The following CPVL variants were observed in gnomAD, a reference collection of about 807,000 sequenced individuals.
The protein encoded by CPVL is carboxypeptidase vitellogenic like.
A neutral mutation model predicts 63.7 loss-of-function variants in CPVL; 51 were observed. The ratio of observed to expected loss-of-function variants is 0.80; its 90% CI spans 0.64 to 1.01. The LOEUF is 1.01. Ranked by LOEUF, CPVL falls within the 50% of genes least tolerant of loss-of-function variation. CPVL has a pLI of 0.00. For synonymous variants in CPVL, 195 were observed against 206.0 expected (o/e 0.95, Z 0.46); for missense variants, 530 against 573.1 (o/e 0.92, Z 0.77).
At chr7:29,040,339 G>A (rs1436950834) in intron 11 of CPVL, among the ~76,000 whole-genome samples, 1 of 152,202 alleles carries the variant, frequency 6.6e-6, no homozygotes, top group African/African-American at 2.4e-5. Context: ...AAGCTCAGCT[G>A]CAGAAGAAAA....
intron 3 of CPVL, among the ~76,000 whole-genome samples, chr7:29,109,510 C>A (rs1788043834): frequency 6.6e-6 from 1 of 152,166 alleles, no homozygotes; most frequent in African/African-American, 2.4e-5. Flanking sequence ...TCTTGTCACA[C>A]CTGCTTTATC....
intron 5 of CPVL, among the ~76,000 whole-genome samples, chr7:29,173,471 A>G (rs1226200747): frequency 6.6e-6 from 1 of 152,136 alleles, no homozygotes; most frequent in Non-Finnish European, 1.5e-5. Flanking sequence ...TAACAACAAG[A>G]AAATGAGGAA....
chr7:29,013,858 T>G (rs1323428699), intron 12 of CPVL, among the ~76,000 whole-genome samples: 1 of 152,172 alleles, frequency 6.6e-6, no homozygotes, highest in African/African-American at 2.4e-5. Flanking sequence ...CAGCCCAAAT[T>G]TGGTGAGTCA....
chr7:29,103,485 C>G (rs1389306420), intron 3 of CPVL, among the ~76,000 whole-genome samples: 2 of 149,296 alleles, frequency 1.3e-5, no homozygotes, highest in African/African-American at 5.0e-5. Flanking sequence ...GAACTCTTAA[C>G]CTCATGATCT....
intron 2 of CPVL, among the ~76,000 whole-genome samples, chr7:29,114,807 C>T (rs1299168678): frequency 6.6e-6 from 1 of 152,120 alleles, no homozygotes; most frequent in African/African-American, 2.4e-5. Context: ...TGTGGGCCAC[C>T]TGGATTAAAA....
chr7:29,027,070 T>C (rs1011981842), intron 12 of CPVL, among the ~76,000 whole-genome samples: 1 of 152,116 alleles, frequency 6.6e-6, no homozygotes, highest in Non-Finnish European at 1.5e-5. Context: ...CTAATGAATA[T>C]AGATGTAAAC....
At position 29,067,970 on chromosome 7, in the gene CPVL, A is replaced by G. The variant is rs979896490; in HGVS notation, c.865-1849T>C. Among the ~76,000 whole-genome samples, 11 of 151,760 alleles carry G rather than the reference A, an allele frequency of 7.2e-5. No individual in the cohort carries two copies. The South Asian group carries it at 1.3e-3, about 17-fold the overall frequency. On this transcript the variant is annotated intron_variant, in intron 9 of 12. Coordinates refer to ENST00000265394, the MANE Select transcript of CPVL (RefSeq NM_031311.5). ...GCCAATTCCTTCTGGCCATGCTTCA[A>G]TGCTTGAGAAAATAGACTAATTATT... is the stretch of plus-strand genomic sequence containing the variant.
At chr7:29,108,644 C>T (rs542662873) in intron 3 of CPVL, among the ~76,000 whole-genome samples, 4 of 152,302 alleles carry the variant, frequency 2.6e-5, no homozygotes, top group Admixed American at 6.5e-5. Flanking sequence ...GAAATAATGA[C>T]AATAGCAACT....
chr7:29,082,628 T>C (rs568251918), intron 7 of CPVL: 2 of 152,366 alleles, frequency 1.3e-5, no homozygotes, highest in East Asian at 1.9e-4. Flanking sequence ...TGATATCTCC[T>C]GACAATGGCA....
At chr7:29,086,060 G>A (rs550459334) in intron 7 of CPVL, among the ~76,000 whole-genome samples, 6 of 152,238 alleles carry the variant, frequency 3.9e-5, no homozygotes, top group East Asian at 1.9e-4. Flanking sequence ...TTGGGAGGCC[G>A]AGGCGGGCAG....
intron 2 of CPVL, among the ~76,000 whole-genome samples, chr7:29,120,390 C>G (rs1789239240): frequency 6.6e-6 from 1 of 151,938 alleles, no homozygotes; most frequent in African/African-American, 2.4e-5. Context: ...CCACCGCACT[C>G]CAGCCTGGGC....
At chr7:29,085,982 G>A (rs1169056264) in intron 7 of CPVL, among the ~76,000 whole-genome samples, 3 of 152,028 alleles carry the variant, frequency 2.0e-5, no homozygotes, top group African/African-American at 7.3e-5. Flanking sequence ...GCATGCATTG[G>A]GCCCTGGGAT....
rs76188781 is a variant in CPVL, at chr7:29,078,821, A to G, written c.610-6398T>C. Reference sequence around the variant, plus strand: ...CAAACATTTCCATATGCCCTTGTTCAGTTCTTCGGTTGCAGCTTAAACCCT... The same window carrying G: ...CAAACATTTCCATATGCCCTTGTTCGGTTCTTCGGTTGCAGCTTAAACCCT... On this transcript the variant is annotated intron_variant, in intron 7 of 12. Transcript: ENST00000265394. Among the ~76,000 whole-genome samples, 1,348 of 152,340 alleles carry G rather than the reference A, an allele frequency of 8.8e-3. 18 individuals are homozygous for G. Among genetic ancestry groups the G allele is most frequent in the African/African-American group, 0.03 (1,265 of 41,580 alleles).
intron 11 of CPVL, among the ~76,000 whole-genome samples, chr7:29,061,610 C>T (rs1027365972): frequency 1.3e-5 from 2 of 152,074 alleles, no homozygotes; most frequent in African/African-American, 4.8e-5. Flanking sequence ...TTTGTCCCAC[C>T]TTACCCTCAC....
At chr7:29,163,419 T>C (rs1440125985) in intron 5 of CPVL, among the ~76,000 whole-genome samples, 1 of 152,160 alleles carries the variant, frequency 6.6e-6, no homozygotes. Context: ...TAATTTAAAA[T>C]TACATATGTG....
intron 11 of CPVL, among the ~76,000 whole-genome samples, chr7:29,040,286 T>C (rs1261478862): frequency 6.6e-6 from 1 of 152,232 alleles, no homozygotes; most frequent in Admixed American, 6.5e-5. Context: ...TTAATTTCAC[T>C]ATTATCCAGC....
chr7:28,996,051 G>C (rs895779104), intron 12 of CPVL, 169 bp from the exon 13 acceptor site: 52 of 507,856 alleles, frequency 1.0e-4, no homozygotes, highest in Non-Finnish European at 1.4e-4. Flanking sequence ...GATGGCTTTT[G>C]TAACAGGCAT....
chr7:29,021,899 A>T (rs1306229918), intron 12 of CPVL, among the ~76,000 whole-genome samples: 2 of 152,110 alleles, frequency 1.3e-5, no homozygotes, highest in Non-Finnish European at 2.9e-5. Context: ...AAAGGTTTAC[A>T]GCATCACGAT....
chr7:29,158,460 G>C (rs940451847), intron 5 of CPVL, among the ~76,000 whole-genome samples: 4 of 152,106 alleles, frequency 2.6e-5, no homozygotes, highest in African/African-American at 9.7e-5. Context: ...GTAAGAGTGG[G>C]GATAGCTGAA....
Sources: allele counts gnomAD v4.1 joint callset (sites outside exome capture counted in the v4.1 genomes callset), GRCh38; gene constraint gnomAD v4.1.1; transcripts MANE v1.5; gene names NCBI Gene and HGNC (gene_info 2026-07-23, HGNC 2026-07-21).